Variants in MYRIP observed in about 807,000 individuals in gnomAD.
MYRIP encodes the protein rab effector MyRIP.
In MYRIP, 49 loss-of-function variants were observed where a neutral mutation model predicts 98.0. The observed-to-expected ratio is 0.50, with a 90% CI of 0.40 to 0.63. MYRIP has a LOEUF of 0.63. Among genes scored for constraint, MYRIP ranks in the 30% least tolerant of loss-of-function variants. The pLI is 0.00. For synonymous variants in MYRIP, 404 were observed against 409.5 expected, an observed-to-expected ratio of 0.99 and a Z score of 0.16; for missense variants, 1,004 against 1,058.2, an observed-to-expected ratio of 0.95 and a Z score of 0.71.
chr3:39,985,489 C>T (rs1264982084), intron 2 of MYRIP, among the ~76,000 whole-genome samples: 12 of 126,978 alleles, frequency 9.5e-5, no homozygotes, highest in African/African-American at 2.3e-4. Context: ...AAAAAGAGCC[C>T]GCATCGCCAA....
In MYRIP at chr3:40,028,035, G is replaced by C. The variant is rs1235918945; in HGVS notation, c.111-16015G>C. The stretch of plus-strand genomic sequence containing the variant: ...AAATTACCCTCTCTTTGGTAACTGA[G>C]TTGAAGGATAGCAAACAAGTGATGT... On this transcript the variant is annotated intron_variant, in intron 2 of 16. Transcript: ENST00000302541. 2.0e-5 allele frequency among the ~76,000 whole-genome samples: 3 copies of C among 152,152 alleles called. No homozygotes were observed. In the East Asian group the frequency reaches 5.8e-4, roughly 29 times the overall value.
rs114660197 is a variant in MYRIP, at chr3:40,217,430, T to C, written c.1905+7337T>C. 5.4e-3 allele frequency among the ~76,000 whole-genome samples: 815 copies of C among 152,314 alleles called. 8 individuals are homozygous for C. Among genetic ancestry groups the C allele is most frequent in the African/African-American group, 0.018 (763 of 41,576 alleles). ...ATGTAATAATATTAATTTTAGGATA[T>C]CTATTAACATTTTTGTTATATTTAC... On this transcript the variant is annotated intron_variant, in intron 11 of 16. Coordinates refer to ENST00000302541, the MANE Select transcript of MYRIP (RefSeq NM_015460.4).
intron 13 of MYRIP, among the ~76,000 whole-genome samples, chr3:40,246,183 T>C (rs903412336): frequency 2.6e-5 from 4 of 152,040 alleles, no homozygotes; most frequent in Non-Finnish European, 5.9e-5. Context: ...GGTTTTTTTT[T>C]CGGCCAAGAT....
At chr3:40,144,348 G>A (rs1575573302) in intron 3 of MYRIP, among the ~76,000 whole-genome samples, 1 of 152,206 alleles carries the variant, frequency 6.6e-6, no homozygotes, top group East Asian at 1.9e-4. Flanking sequence ...AACCCCAATG[G>A]CAGGTCTGAG....
At position 39,866,353 on chromosome 3, in the gene MYRIP, G is replaced by C. The variant is rs1942622720; in HGVS notation, c.-30-34434G>C. 3.3e-5 allele frequency among the ~76,000 whole-genome samples: 5 copies of C among 152,110 alleles called. No homozygotes were observed. The South Asian group carries it at 1.0e-3, about 32-fold the overall frequency. Reference sequence around the variant, plus strand: ...CCTAAAATAAAAGTTAAAAAAATAAGTGAATTCAGCAAACCTGCAGGATAC... The same window carrying C: ...CCTAAAATAAAAGTTAAAAAAATAACTGAATTCAGCAAACCTGCAGGATAC... On this transcript the variant is annotated intron_variant, in intron 1 of 16. Transcript: ENST00000302541.
intron 8 of MYRIP, among the ~76,000 whole-genome samples, chr3:40,175,370 C>A (rs1319155079): frequency 6.6e-6 from 1 of 152,190 alleles, no homozygotes; most frequent in African/African-American, 2.4e-5. Context: ...CCACAGAGCC[C>A]ACGCTGGCCA....
Position 40,227,258 on chromosome 3 carries a change from T to C in MYRIP, c.1906-6601T>C, listed in dbSNP as rs74472067. Among the ~76,000 whole-genome samples, 296 of 152,338 alleles carry C rather than the reference T, an allele frequency of 1.9e-3. 1 individual carries two copies. The highest frequency in any genetic ancestry group is 6.9e-3 in the African/African-American group (287 of 41,564). On this transcript the variant is annotated intron_variant, in intron 11 of 16. Transcript: ENST00000302541. ...TGATGATGTTTGAGGGCCTGGTTTT[T>C]TCAGGGTCCCCTCGAGGCTATGACA...
chr3:39,933,122 C>G (rs964110594), intron 2 of MYRIP, among the ~76,000 whole-genome samples: 6 of 152,178 alleles, frequency 3.9e-5, no homozygotes, highest in Non-Finnish European at 8.8e-5. Flanking sequence ...ATTCACCCAT[C>G]ATTGCAAAGT....
At chr3:40,009,365 T>C (rs1341456878) in intron 2 of MYRIP, among the ~76,000 whole-genome samples, 3 of 151,772 alleles carry the variant, frequency 2.0e-5, no homozygotes, top group African/African-American at 7.3e-5. Flanking sequence ...GCCTCCCGAG[T>C]AGCTGGGACT....
At chr3:40,091,950 G>A (rs1321223944) in intron 3 of MYRIP, among the ~76,000 whole-genome samples, 2 of 152,160 alleles carry the variant, frequency 1.3e-5, no homozygotes, top group Admixed American at 6.5e-5. Context: ...GCCAAGTATT[G>A]AATTTGCATG....
At chr3:40,170,490 C>T (rs1454547519) in intron 8 of MYRIP, among the ~76,000 whole-genome samples, 2 of 152,082 alleles carry the variant, frequency 1.3e-5, no homozygotes, top group Non-Finnish European at 2.9e-5. Flanking sequence ...AGAAAATTAC[C>T]ACTGCTGTTT....
intron 2 of MYRIP, among the ~76,000 whole-genome samples, chr3:39,911,399 T>C (rs995056399): frequency 6.6e-6 from 1 of 152,214 alleles, no homozygotes; most frequent in Admixed American, 6.5e-5. Flanking sequence ...AATCCCACTT[T>C]CTTTAATAAC....
At chr3:39,877,050 CT>C (rs1211653992) in intron 1 of MYRIP, among the ~76,000 whole-genome samples, 1 of 152,010 alleles carries the variant, frequency 6.6e-6, no homozygotes, top group African/African-American at 2.4e-5. Flanking sequence ...TCTTTTTATT[CT>C]TTTTTCTCTA....
At chr3:40,105,776 G>C (rs1309230496) in intron 3 of MYRIP, among the ~76,000 whole-genome samples, 1 of 152,150 alleles carries the variant, frequency 6.6e-6, no homozygotes, top group Non-Finnish European at 1.5e-5. Flanking sequence ...AGAGAGAAGA[G>C]TGAGGCAGGA....
In MYRIP at chr3:40,258,886, C is replaced by A. The variant is rs1211309210; in HGVS notation, c.*720C>A. 1 of 152,404 alleles carries A rather than the reference C, an allele frequency of 6.6e-6. No homozygotes were observed. The allele number at this position is 152,404 out of a possible 1,614,324, so 9.4% of individuals were successfully genotyped here. A position where few individuals can be genotyped will look rare whatever the true frequency, so the allele number is the denominator to read the frequency against. ...AATGTCTCATTAAGAATTTAGGGTT[C>A]TTCCATGGGCTTACTGACAGTTGCC... On this transcript the variant is annotated 3_prime_UTR_variant, in exon 17 of 17. Transcript: ENST00000302541.
chr3:40,189,749 G>A, intron 9 of MYRIP, 77 bp from the exon 10 acceptor site: 1 of 1,445,172 alleles, frequency 6.9e-7, no homozygotes, highest in Non-Finnish European at 9.3e-7. Flanking sequence ...CTCTTGGGGA[G>A]GTAACAAGTG....
Position 39,900,905 on chromosome 3 carries a change from A to T in MYRIP, c.89A>T (p.Lys30Ile). ...GTTCAAAGAGACTTCAATCTTCGCA[A>T]AAAAGAAGAAGAACGACTAAGGTGA... ...QVVQRDFNLR[K>I]KEEERLSELK... Residue 30 changes from lysine (K) to isoleucine (I), a missense_variant, in exon 2 of 17, where the codon AAA becomes ATA. By Grantham distance (102) the Lys-to-Ile change is moderately radical. This residue lies in a region of MYRIP where 880 missense variants were observed against 907.7 expected (regional missense o/e 0.97). Coordinates refer to ENST00000302541, the MANE Select transcript of MYRIP (RefSeq NM_015460.4). The T allele has an allele frequency of 1.9e-6, 3 of 1,613,428 alleles. No homozygotes were observed. The highest frequency in any genetic ancestry group is 2.5e-6 in the Non-Finnish European group (3 of 1,179,898).
chr3:39,905,669 G>A (rs548742250), intron 2 of MYRIP, among the ~76,000 whole-genome samples: 56 of 152,172 alleles, frequency 3.7e-4, no homozygotes, highest in African/African-American at 1.3e-3. Context: ...GCATTCACCC[G>A]CTGTTCCAAA....
chr3:39,839,031 G>A (rs1315243555), intron 1 of MYRIP, among the ~76,000 whole-genome samples: 1 of 151,016 alleles, frequency 6.6e-6, no homozygotes, highest in African/African-American at 2.4e-5. Flanking sequence ...GATGGTCAGT[G>A]GTGATATTCC....
Sources: gnomAD v4.1 joint callset for allele counts (sites outside exome capture counted in the v4.1 genomes callset) on GRCh38, gnomAD v4.1.1 for gene constraint, gnomAD v4.1.1 regional missense constraint, MANE v1.5 for transcripts, NCBI Gene and HGNC (gene_info 2026-07-23, HGNC 2026-07-21) for gene names.